SLC2A9: variants seen among roughly 807,000 people sequenced by gnomAD.
SLC2A9 encodes solute carrier family 2, facilitated glucose transporter member 9.
A neutral mutation model predicts 50.6 loss-of-function variants in SLC2A9; 39 were observed. The ratio of observed to expected loss-of-function variants is 0.77; its 90% CI spans 0.60 to 1.01. The LOEUF is 1.01. Among genes scored for constraint, SLC2A9 ranks in the 50% least tolerant of loss-of-function variants. The pLI, the probability that SLC2A9 is intolerant of heterozygous loss-of-function variation, is 0.00. For synonymous variants in SLC2A9, 324 were observed against 276.9 expected (o/e 1.17, Z -1.69); for missense variants, 686 against 677.6 (o/e 1.01, Z -0.14).
intron 7 of SLC2A9, among the ~76,000 whole-genome samples, chr4:9,912,166 G>C (rs1176132322): frequency 6.6e-6 from 1 of 152,090 alleles, no homozygotes; most frequent in Non-Finnish European, 1.5e-5. Context: ...GGGAGGGAGA[G>C]CATTAGGAGA....
At chr4:10,005,514 T>G (rs887666436) in intron 2 of SLC2A9, among the ~76,000 whole-genome samples, 1 of 152,216 alleles carries the variant, frequency 6.6e-6, no homozygotes, top group Non-Finnish European at 1.5e-5. Context: ...AGGTGCAGTG[T>G]GAAGGACATT....
chr4:9,776,921 G>T (rs764170293), downstream of SLC2A9, among the ~76,000 whole-genome samples: 3 of 152,128 alleles, frequency 2.0e-5, no homozygotes, highest in Non-Finnish European at 4.4e-5. Flanking sequence ...TATTGCTACA[G>T]ATATCCTGAC....
At chr4:9,879,971 G>A (rs1374906639) in intron 10 of SLC2A9, 2 of 985,426 alleles carry the variant, frequency 2.0e-6, no homozygotes, top group Non-Finnish European at 2.4e-6. Context: ...ACATCGACCT[G>A]TTCCTCACAG....
At position 10,020,039 on chromosome 4, in the gene SLC2A9, A is replaced by AGTGTGTGTGTGT. The variant is rs112964589; in HGVS notation, c.151-978_151-967dup. 5.0e-3 allele frequency among the ~76,000 whole-genome samples: 736 copies of AGTGTGTGTGTGT among 148,074 alleles called. 1 individual carries two copies. Among genetic ancestry groups the AGTGTGTGTGTGT allele is most frequent in the Middle Eastern group, 0.028 (8 of 288 alleles). ...TTTGCCATCATTTGACATATTTGTG[A>AGTGTGTGTGTGT]GTGTGTGTGTGTGTGTGTGTGTGTG... On this transcript the variant is annotated intron_variant, in intron 1 of 11. Transcript: ENST00000264784.
At position 9,792,576 on chromosome 4, in the gene SLC2A9, T is replaced by C. The variant is rs527743488; in HGVS notation, n.386-12511A>G. 6.6e-5 allele frequency among the ~76,000 whole-genome samples: 10 copies of C among 152,286 alleles called. No individual in the cohort carries two copies. In the East Asian group the frequency reaches 1.9e-3, roughly 30 times the overall value. ...TAGAGTGAGTAATTATTAGTGTCCC[T>C]GCATGCAGCCACCTGCTGTTGCTGA... On this transcript the variant is annotated intron_variant and non_coding_transcript_variant, in intron 3 of 3. Coordinates refer to the SLC2A9 transcript ENST00000503803.
At chr4:10,019,423 A>C in intron 1 of SLC2A9, 1 of 380,318 alleles carries the variant, frequency 2.6e-6, no homozygotes, top group Non-Finnish European at 4.9e-6. Flanking sequence ...AAAAAAGCAA[A>C]GCCAGACTCC....
chr4:9,955,385 C>T (rs1159296788), intron 5 of SLC2A9, among the ~76,000 whole-genome samples: 1 of 99,814 alleles, frequency 1.0e-5, no homozygotes, highest in African/African-American at 5.4e-5. Flanking sequence ...GTCCCAGCTA[C>T]TGGGGAGGCT....
chr4:9,783,463 A>G, intron 3 of SLC2A9: 1 of 1,598,690 alleles, frequency 6.3e-7, no homozygotes, highest in Non-Finnish European at 8.5e-7. Flanking sequence ...GATTCCATTA[A>G]ACTGCATTAA....
intron 6 of SLC2A9, among the ~76,000 whole-genome samples, chr4:9,927,513 G>A (rs990874865): frequency 6.6e-6 from 1 of 152,238 alleles, no homozygotes. Context: ...CCTCGTATAA[G>A]TTCCATGCCC....
intron 10 of SLC2A9, among the ~76,000 whole-genome samples, chr4:9,884,697 C>G (rs1240113455): frequency 1.3e-5 from 2 of 152,138 alleles, no homozygotes; most frequent in Non-Finnish European, 2.9e-5. Flanking sequence ...ATAAATCATT[C>G]TATTATAAAG....
chr4:9,883,132 T>TACACACAC (rs56300042), intron 10 of SLC2A9, among the ~76,000 whole-genome samples: 4 of 149,470 alleles, frequency 2.7e-5, no homozygotes, highest in East Asian at 2.0e-4. Flanking sequence ...GCAAGCTATC[T>TACACACAC]ACACACACAC....
At chr4:9,909,681 G>A (rs1303463646) in intron 7 of SLC2A9, among the ~76,000 whole-genome samples, 2 of 152,214 alleles carry the variant, frequency 1.3e-5, no homozygotes, top group Non-Finnish European at 2.9e-5. Context: ...TCACTTTGAG[G>A]ATTTTAGCCT....
chr4:9,823,890 G>C (rs74527798), downstream of SLC2A9, among the ~76,000 whole-genome samples: 41 of 152,312 alleles, frequency 2.7e-4, no homozygotes, highest in East Asian at 6.2e-3. Context: ...GAAATGTACA[G>C]AGCTGTCTAA....
intron 11 of SLC2A9, among the ~76,000 whole-genome samples, chr4:9,834,285 C>T (rs994449563): frequency 1.3e-5 from 2 of 152,186 alleles, no homozygotes; most frequent in African/African-American, 4.8e-5. Flanking sequence ...GGCTTTGTTA[C>T]CACTGTATCC....
chr4:9,783,175 G>A (rs1718736732), intron 3 of SLC2A9: 6 of 1,614,210 alleles, frequency 3.7e-6, no homozygotes, highest in East Asian at 2.2e-5. Flanking sequence ...GCTCCCGCAC[G>A]CCGGTGGAGA....
intron 5 of SLC2A9, among the ~76,000 whole-genome samples, chr4:9,951,743 T>G (rs4407505): frequency 0.48 from 73,191 of 151,964 alleles, 18,993 homozygotes; most frequent in African/African-American, 0.67. Context: ...AGAAATCAAA[T>G]TTTATAAATG....
chr4:9,987,343 C>G (rs1347118900), intron 3 of SLC2A9, among the ~76,000 whole-genome samples: 1 of 152,174 alleles, frequency 6.6e-6, no homozygotes, highest in Non-Finnish European at 1.5e-5. Context: ...TGGTCTCAAA[C>G]TTCTGACCTC....
rs148952404 is a variant in SLC2A9 at position 9,958,047 on chromosome 4, A to G, written c.682-16002T>C. Among the ~76,000 whole-genome samples the G allele has an allele frequency of 4.3e-4, 65 of 152,356 alleles. No individual in the cohort carries two copies. In the Middle Eastern group the frequency reaches 0.01, roughly 24 times the overall value. The stretch of plus-strand genomic sequence containing the variant: ...TTAACACAGAAACAACAGTTCACAT[A>G]TAAGTGATCAAAAATAAGAAAGGCA... On this transcript the variant is annotated intron_variant, in intron 5 of 11. Transcript: ENST00000264784.
At chr4:9,783,325 T>C in intron 3 of SLC2A9, 1 of 1,614,032 alleles carries the variant, frequency 6.2e-7, no homozygotes, top group South Asian at 1.1e-5. Flanking sequence ...AGGAGGAGGG[T>C]CCTTTCGATC....
Sources: gnomAD v4.1 joint callset for allele counts (sites outside exome capture counted in the v4.1 genomes callset) on GRCh38, gnomAD v4.1.1 for gene constraint, MANE v1.5 for transcripts, NCBI Gene and HGNC (gene_info 2026-07-23, HGNC 2026-07-21) for gene names.